Variants in LRRTM4 observed in about 807,000 individuals in gnomAD.
LRRTM4 encodes the protein leucine rich repeat transmembrane neuronal 4, also known as leucine-rich repeat transmembrane neuronal protein 4.
LRRTM4 carries 25 observed loss-of-function variants against 47.6 expected under a neutral mutation model. The observed-to-expected ratio is 0.53, with a 90% CI of 0.38 to 0.73. The LOEUF (loss-of-function observed/expected upper bound fraction) is 0.73. LRRTM4 is among the 30% of genes least tolerant of loss of function. The pLI is 0.00. For synonymous variants in LRRTM4, 311 were observed against 269.5 expected, an observed-to-expected ratio of 1.15 and a Z score of -1.51; for missense variants, 638 against 713.4, an observed-to-expected ratio of 0.89 and a Z score of 1.20.
chr2:77,012,061 TCCTA>T (rs1677894730), intron 3 of LRRTM4, among the ~76,000 whole-genome samples: 2 of 152,080 alleles, frequency 1.3e-5, no homozygotes, highest in Non-Finnish European at 2.9e-5. Flanking sequence ...ATTCCTTTAC[TCCTA>T]CCTTTCAAAT....
At chr2:77,057,363 C>G (rs1300379267) in intron 3 of LRRTM4, among the ~76,000 whole-genome samples, 1 of 152,024 alleles carries the variant, frequency 6.6e-6, no homozygotes, top group Non-Finnish European at 1.5e-5. Context: ...TCATTGAAAG[C>G]AATTGTGATA....
At chr2:77,401,063 C>T (rs1162890813) in intron 3 of LRRTM4, among the ~76,000 whole-genome samples, 1 of 151,902 alleles carries the variant, frequency 6.6e-6, no homozygotes, top group Non-Finnish European at 1.5e-5. Flanking sequence ...CTATATGGTT[C>T]ACAAAGTCTA....
intron 3 of LRRTM4, among the ~76,000 whole-genome samples, chr2:77,255,327 C>G (rs1352082585): frequency 2.6e-5 from 4 of 151,904 alleles, no homozygotes; most frequent in African/African-American, 9.7e-5. Flanking sequence ...ACAGTCAATT[C>G]TTCCACTCCC....
At chr2:77,327,066 G>A (rs1164034920) in intron 3 of LRRTM4, among the ~76,000 whole-genome samples, 1 of 152,118 alleles carries the variant, frequency 6.6e-6, no homozygotes, top group Non-Finnish European at 1.5e-5. Flanking sequence ...TTCTATGATG[G>A]ATACAGTAAA....
intron 3 of LRRTM4, among the ~76,000 whole-genome samples, chr2:77,398,519 T>G (rs1003529503): frequency 1.3e-5 from 2 of 151,782 alleles, no homozygotes; most frequent in Non-Finnish European, 2.9e-5. Context: ...TAGGTTTAGG[T>G]TGAGTTTTGA....
At chr2:77,359,289 C>A (rs1672089917) in intron 3 of LRRTM4, among the ~76,000 whole-genome samples, 1 of 152,000 alleles carries the variant, frequency 6.6e-6, no homozygotes, top group Non-Finnish European at 1.5e-5. Flanking sequence ...TTCTAGATGT[C>A]CCCCCAACCC....
chr2:77,002,818 G>A (rs190952818), intron 3 of LRRTM4, among the ~76,000 whole-genome samples: 16 of 152,164 alleles, frequency 1.1e-4, no homozygotes, highest in Admixed American at 8.5e-4. Flanking sequence ...CAGAATCTAA[G>A]CTCTACCTCT....
intron 3 of LRRTM4, among the ~76,000 whole-genome samples, chr2:77,036,714 C>G (rs1350646290): frequency 1.3e-5 from 2 of 151,562 alleles, no homozygotes; most frequent in Non-Finnish European, 3.0e-5. Flanking sequence ...CCTTAGTTAG[C>G]TTGGCTCTTG....
At chr2:76,905,577 G>C (rs893177570) in intron 3 of LRRTM4, among the ~76,000 whole-genome samples, 1 of 151,518 alleles carries the variant, frequency 6.6e-6, no homozygotes, top group African/African-American at 2.4e-5. Context: ...CAAACCAAAG[G>C]CAAAGAAGTT....
intron 3 of LRRTM4, among the ~76,000 whole-genome samples, chr2:76,857,547 G>A (rs1672191986): frequency 6.6e-6 from 1 of 151,908 alleles, no homozygotes; most frequent in South Asian, 2.1e-4. Flanking sequence ...CCCCCTCATT[G>A]TTCAAGAGTC....
intron 3 of LRRTM4, chr2:77,517,461 G>C: frequency 1.0e-6 from 1 of 985,020 alleles, no homozygotes; most frequent in Non-Finnish European, 1.2e-6. Flanking sequence ...TGTTATGACT[G>C]CCATTTTATT....
intron 3 of LRRTM4, among the ~76,000 whole-genome samples, chr2:77,052,106 G>A (rs1679452134): frequency 6.8e-6 from 1 of 148,038 alleles, no homozygotes; most frequent in Admixed American, 6.7e-5. Flanking sequence ...AATACAAAAG[G>A]ATTCCTGGGA....
In LRRTM4 at chr2:77,362,170, A is replaced by AAAGAAAGAAAGAAAGAAAGAAAGAAAGG. The variant is rs1282143102; in HGVS notation, c.1551+156147_1551+156148insCCTTTCTTTCTTTCTTTCTTTCTTTCTT. 1.1e-3 allele frequency among the ~76,000 whole-genome samples: 143 copies of AAAGAAAGAAAGAAAGAAAGAAAGAAAGG among 133,520 alleles called. 1 individual carries two copies. The highest frequency in any genetic ancestry group is 3.7e-3 in the Middle Eastern group (1 of 272). 87.6% of individuals were successfully genotyped at this position (133,520 alleles called of 152,430 possible). ...GAAAGAAAGAAAGAAAGAAAGAAAG[A>AAAGAAAGAAAGAAAGAAAGAAAGAAAGG]AAGGAAGGAAGGAAGAGTTCTTAAT... On this transcript the variant is annotated intron_variant, in intron 3 of 3. Transcript: ENST00000409884.
intron 3 of LRRTM4, among the ~76,000 whole-genome samples, chr2:77,131,242 T>G (rs1364411261): frequency 1.3e-5 from 2 of 152,162 alleles, no homozygotes; most frequent in Non-Finnish European, 2.9e-5. Flanking sequence ...TTATAGGCAT[T>G]TAATCATAAC....
chr2:76,826,082 A>C (rs559460463), intron 3 of LRRTM4, among the ~76,000 whole-genome samples: 1 of 151,888 alleles, frequency 6.6e-6, no homozygotes, highest in African/African-American at 2.4e-5. Flanking sequence ...GACAATGAAA[A>C]ATAAGGAAGG....
At chr2:77,214,053 C>T (rs1674369870) in intron 3 of LRRTM4, among the ~76,000 whole-genome samples, 1 of 152,040 alleles carries the variant, frequency 6.6e-6, no homozygotes, top group Non-Finnish European at 1.5e-5. Flanking sequence ...ATCAAGGTCT[C>T]CTAATGAGCT....
chr2:76,916,667 G>C (rs1348833744), intron 3 of LRRTM4, among the ~76,000 whole-genome samples: 2 of 152,108 alleles, frequency 1.3e-5, no homozygotes, highest in Non-Finnish European at 2.9e-5. Context: ...ACCAATGCAA[G>C]TTAAAAGTGA....
At chr2:76,920,949 A>C in intron 3 of LRRTM4, among the ~76,000 whole-genome samples, 1 of 152,064 alleles carries the variant, frequency 6.6e-6, no homozygotes, top group South Asian at 2.1e-4. Flanking sequence ...GATTATACTG[A>C]GTTTCCACGT....
intron 3 of LRRTM4, among the ~76,000 whole-genome samples, chr2:77,013,016 G>A (rs1473897669): frequency 1.3e-5 from 2 of 152,174 alleles, no homozygotes; most frequent in Non-Finnish European, 2.9e-5. Flanking sequence ...ATAGAATATA[G>A]CATGAACAAC....
Sources: gnomAD v4.1 joint callset for allele counts (sites outside exome capture counted in the v4.1 genomes callset) on GRCh38, gnomAD v4.1.1 for gene constraint, MANE v1.5 for transcripts, NCBI Gene and HGNC (gene_info 2026-07-23, HGNC 2026-07-21) for gene names.